The following DTWD1 variants were observed in gnomAD, a reference collection of about 807,000 sequenced individuals.
The protein encoded by DTWD1 is tRNA-uridine aminocarboxypropyltransferase 1.
DTWD1 carries 27 observed loss-of-function variants against 30.2 expected under a neutral mutation model. That is an observed-to-expected ratio of 0.90 (90% CI 0.66 to 1.23). DTWD1 has a LOEUF of 1.23. DTWD1 is among the 50% of genes most tolerant of loss of function. The pLI, the probability that DTWD1 is intolerant of heterozygous loss-of-function variation, is 0.00. For synonymous variants in DTWD1, 99 were observed against 113.1 expected, an observed-to-expected ratio of 0.88 and a Z score of 0.79; for missense variants, 342 against 348.8, an observed-to-expected ratio of 0.98 and a Z score of 0.15.
chr15:49,625,525 ATGT>A, intron 2 of DTWD1, 94 bp downstream of exon 2: 1 of 1,209,946 alleles, frequency 8.3e-7, no homozygotes, highest in East Asian at 2.6e-5. Context: ...TTAATAAATA[ATGT>A]TATTATTGTT....
intron 2 of DTWD1, among the ~76,000 whole-genome samples, chr15:49,626,431 G>A (rs992864881): frequency 1.3e-5 from 2 of 151,680 alleles, no homozygotes; most frequent in Non-Finnish European, 2.9e-5. Flanking sequence ...ATACTTTTTG[G>A]GCTCACCAAC....
At chr15:49,626,033 A>G (rs2078839661) in intron 2 of DTWD1, among the ~76,000 whole-genome samples, 2 of 152,046 alleles carry the variant, frequency 1.3e-5, no homozygotes, top group Admixed American at 6.5e-5. Flanking sequence ...TTAGCCCTAC[A>G]GACCACTAAA....
Position 49,655,277 on chromosome 15 carries a change from A to G in DTWD1, c.*11699A>G, listed in dbSNP as rs2079171729. 6.6e-6 allele frequency: 1 copy of G among 152,086 alleles called. No individual in the cohort carries two copies. The highest frequency in any genetic ancestry group is 2.1e-4 in the South Asian group (1 of 4,824). The allele number at this position is 152,086 out of a possible 1,614,324, so 9.4% of individuals were successfully genotyped here. On this transcript the variant is annotated 3_prime_UTR_variant, in exon 5 of 5. Transcript: ENST00000403028. ...GTACACAGAAATGAGAAATTTTAAA[A>G]TGGTTGATTTAGGTAATTAAGTTTT...
rs759259586 is a variant in DTWD1, at chr15:49,625,432, G to C, written c.264+1G>C. On this transcript the variant is annotated splice_donor_variant, in intron 2 of 4. Transcript: ENST00000403028. LOFTEE classifies it high-confidence loss of function. The stretch of plus-strand genomic sequence containing the variant: ...TATTGAACAGATTCCACTTGTGAAG[G>C]TTAGTAAGAAATTTAATTGTTTGAA... 7.0e-5 allele frequency: 112 copies of C among 1,603,462 alleles called. No individual in the cohort carries two copies. Among genetic ancestry groups the C allele is most frequent in the Non-Finnish European group, 9.2e-5 (108 of 1,174,542 alleles).
chr15:49,635,448 T>C (rs1380366972), intron 4 of DTWD1, among the ~76,000 whole-genome samples: 9 of 151,464 alleles, frequency 5.9e-5, no homozygotes, highest in Admixed American at 2.6e-4. Flanking sequence ...ATCTTCTATT[T>C]TGTTTTTTTT....
chr15:49,652,851 G>A lies in DTWD1; in HGVS notation c.*9273G>A, dbSNP rs978670534. The stretch of plus-strand genomic sequence containing the variant: ...CCAGTTGCAAGGAATGAGGTCAGCA[G>A]CCTCCAACTGTCAGCTCCTTCAGAG... On this transcript the variant is annotated 3_prime_UTR_variant, in exon 5 of 5. Transcript: ENST00000403028. The A allele has an allele frequency of 8.5e-5, 13 of 152,170 alleles. No homozygotes were observed. The highest frequency in any genetic ancestry group is 3.1e-4 in the African/African-American group (13 of 41,450). 9.4% of individuals were successfully genotyped at this position (152,170 alleles called of 1,614,324 possible). A position where few individuals can be genotyped will look rare whatever the true frequency, so the allele number is the denominator to read the frequency against.
intron 4 of DTWD1, among the ~76,000 whole-genome samples, chr15:49,639,121 C>T (rs1022155283): frequency 2.0e-5 from 3 of 152,114 alleles, no homozygotes; most frequent in Non-Finnish European, 4.4e-5. Flanking sequence ...AGTGCTGTGT[C>T]CTATACTACC....
At position 49,645,120 on chromosome 15, in the gene DTWD1, A is replaced by G. The variant is rs2079108855; in HGVS notation, c.*1542A>G. 1 of 152,206 alleles carries G rather than the reference A, an allele frequency of 6.6e-6. No individual in the cohort carries two copies. Among genetic ancestry groups the G allele is most frequent in the South Asian group, 2.1e-4 (1 of 4,832 alleles). The allele number at this position is 152,206 out of a possible 1,614,324, so 9.4% of individuals were successfully genotyped here. The stretch of plus-strand genomic sequence containing the variant: ...TAAAGGTTCTGAAAAGTCCTGAAAT[A>G]AACATTTTGAACTTTATTTAAGCTG... On this transcript the variant is annotated 3_prime_UTR_variant, in exon 5 of 5. Transcript: ENST00000403028.
In DTWD1 at chr15:49,655,893, T is replaced by G. The variant is rs1164111634; in HGVS notation, c.*12315T>G. The G allele has an allele frequency of 2.6e-5, 4 of 152,084 alleles. No homozygotes were observed. Among genetic ancestry groups the G allele is most frequent in the Non-Finnish European group, 5.9e-5 (4 of 67,992 alleles). The allele number at this position is 152,084 out of a possible 1,614,324, so 9.4% of individuals were successfully genotyped here. On this transcript the variant is annotated 3_prime_UTR_variant, in exon 5 of 5. Coordinates refer to ENST00000403028, the MANE Select transcript of DTWD1 (RefSeq NM_001144955.2). ...AGATATGCCATCTACATAATTTACC[T>G]TCCTCTCTAGGCCCATCATAAAAAT...
At chr15:49,633,769 C>T (rs1017463623) in intron 3 of DTWD1, among the ~76,000 whole-genome samples, 6 of 152,172 alleles carry the variant, frequency 3.9e-5, no homozygotes, top group Non-Finnish European at 7.3e-5. Context: ...GATTCTCCAA[C>T]ATTTATTCAT....
intron 4 of DTWD1, 25 bp from the exon 5 acceptor site, chr15:49,643,306 C>CTT (rs5812490): frequency 0.012 from 13,946 of 1,194,570 alleles, 33 homozygotes; most frequent in East Asian, 0.019. Flanking sequence ...TTCTTTCTTT[C>CTT]TTTTTTTTTT....
rs2079104233 is a variant in DTWD1, at chr15:49,644,667, C to T, written c.*1089C>T. Reference sequence around the variant, plus strand: ...GTCATCATCAGTTGGCTGTGTTCCTCTACTAAATAGTACCTTATCAGGAAT... The same window carrying T: ...GTCATCATCAGTTGGCTGTGTTCCTTTACTAAATAGTACCTTATCAGGAAT... On this transcript the variant is annotated 3_prime_UTR_variant, in exon 5 of 5. Transcript: ENST00000403028. The T allele has an allele frequency of 6.6e-6, 1 of 152,156 alleles. No homozygotes were observed. Among genetic ancestry groups the T allele is most frequent in the Non-Finnish European group, 1.5e-5 (1 of 68,040 alleles). 9.4% of individuals were successfully genotyped at this position (152,156 alleles called of 1,614,324 possible). A position where few individuals can be genotyped will look rare whatever the true frequency, so the allele number is the denominator to read the frequency against.
In DTWD1 at chr15:49,652,421, T is replaced by A. The variant is rs569822262; in HGVS notation, c.*8843T>A. 6.6e-6 allele frequency: 1 copy of A among 152,032 alleles called. No homozygotes were observed. Among genetic ancestry groups the A allele is most frequent in the African/African-American group, 2.4e-5 (1 of 41,410 alleles). The allele number at this position is 152,032 out of a possible 1,614,324, so 9.4% of individuals were successfully genotyped here. Reference sequence around the variant, plus strand: ...GTGCCCAAGTGATAAACCTACCAAATTGAGACTAATGTGTAGGTGTGGCAA... The same window carrying A: ...GTGCCCAAGTGATAAACCTACCAAAATGAGACTAATGTGTAGGTGTGGCAA... On this transcript the variant is annotated 3_prime_UTR_variant, in exon 5 of 5. Transcript: ENST00000403028.
chr15:49,635,799 T>C (rs1045063727), intron 4 of DTWD1, among the ~76,000 whole-genome samples: 13 of 152,152 alleles, frequency 8.5e-5, no homozygotes, highest in African/African-American at 3.1e-4. Context: ...CAGCCTTCCT[T>C]ACAGTTTTTA....
Position 49,647,642 on chromosome 15 carries a change from CCAAA to C in DTWD1, c.*4067_*4070del, listed in dbSNP as rs1376507354. On this transcript the variant is annotated 3_prime_UTR_variant, in exon 5 of 5. Coordinates refer to ENST00000403028, the MANE Select transcript of DTWD1 (RefSeq NM_001144955.2). The stretch of plus-strand genomic sequence containing the variant: ...TAAAAGACCCTAGTGAAAACTTTAA[CCAAA>C]CACTTACTGACCCTACATTGAAGGC... 1 of 152,032 alleles carries C rather than the reference CCAAA, an allele frequency of 6.6e-6. No homozygotes were observed. The highest frequency in any genetic ancestry group is 1.5e-5 in the Non-Finnish European group (1 of 67,996). The allele number at this position is 152,032 out of a possible 1,614,324, so 9.4% of individuals were successfully genotyped here.
intron 2 of DTWD1, 47 bp from the exon 3 acceptor site, chr15:49,632,112 A>G: frequency 1.4e-6 from 2 of 1,444,274 alleles, no homozygotes; most frequent in Non-Finnish European, 9.2e-7. Context: ...TAACATAAAA[A>G]TTAAAATGTT....
In DTWD1 at chr15:49,625,274, T is replaced by G; in HGVS notation, c.107T>G (p.Leu36Arg). The stretch of plus-strand genomic sequence containing the variant: ...ACTTCCATAGCTTCAGAAGATCCCC[T>G]TCAAAACTTATGTTTAGCATCTCAA... ...QTTSIASEDP[L>R]QNLCLASQEV... Residue 36 changes from leucine (L) to arginine (R), a missense_variant, in exon 2 of 5, where the codon CTT (leucine) becomes CGT (arginine). Physicochemically the swap from Leu to Arg is moderately radical, Grantham distance 102. Transcript: ENST00000403028. 4 of 1,613,644 alleles carry G rather than the reference T, an allele frequency of 2.5e-6. No individual in the cohort carries two copies. Among genetic ancestry groups the G allele is most frequent in the Non-Finnish European group, 3.4e-6 (4 of 1,179,758 alleles).
Position 49,647,739 on chromosome 15 carries a change from A to G in DTWD1, c.*4161A>G, listed in dbSNP as rs1318406907. On this transcript the variant is annotated 3_prime_UTR_variant, in exon 5 of 5. Transcript: ENST00000403028. ...ACTAGACACTTGGTGAAATCCTTCA[A>G]ATATAAAAGGGGAAAAGGAGGGGAG... The G allele has an allele frequency of 6.6e-6, 1 of 152,156 alleles. No individual in the cohort carries two copies. Among genetic ancestry groups the G allele is most frequent in the African/African-American group, 2.4e-5 (1 of 41,446 alleles). 9.4% of individuals were successfully genotyped at this position (152,156 alleles called of 1,614,324 possible). A position where few individuals can be genotyped will look rare whatever the true frequency, so the allele number is the denominator to read the frequency against.
rs558271490 is a variant in DTWD1, at chr15:49,647,936, TAA to T, written c.*4359_*4360del. ...TGATTGCTGAAATAAAAATTAAATA[TAA>T]GAGTTGAAGATAAAATATAGCATAA... On this transcript the variant is annotated 3_prime_UTR_variant, in exon 5 of 5. Transcript: ENST00000403028. 272 of 152,220 alleles carry T rather than the reference TAA, an allele frequency of 1.8e-3. 2 individuals are homozygous for T. The highest frequency in any genetic ancestry group is 6.1e-3 in the African/African-American group (253 of 41,580). The allele number at this position is 152,220 out of a possible 1,614,324, so 9.4% of individuals were successfully genotyped here.
Sources: allele counts gnomAD v4.1 joint callset (sites outside exome capture counted in the v4.1 genomes callset), GRCh38; gene constraint gnomAD v4.1.1; transcripts MANE v1.5; gene names NCBI Gene and HGNC (gene_info 2026-07-23, HGNC 2026-07-21).